PRKCH: variants seen among roughly 807,000 people sequenced by gnomAD.
PRKCH encodes protein kinase C eta type.
A neutral mutation model predicts 82.5 loss-of-function variants in PRKCH; 28 were observed. The observed-to-expected ratio is 0.34, with a 90% CI of 0.25 to 0.47. The LOEUF is 0.47. PRKCH is among the 20% of genes least tolerant of loss of function. PRKCH has a pLI of 1.00. For missense variants in PRKCH, 705 were observed against 881.8 expected (o/e 0.80, Z 2.54); for synonymous variants, 322 against 327.4 (o/e 0.98, Z 0.18).
intron 1 of PRKCH, among the ~76,000 whole-genome samples, chr14:61,220,182 C>T (rs2044644794): frequency 6.6e-6 from 1 of 152,202 alleles, no homozygotes; most frequent in Non-Finnish European, 1.5e-5. Context: ...ACCAAATGTA[C>T]CACACTCCTG....
At chr14:61,331,904 A>G (rs1272282056) in intron 1 of PRKCH, among the ~76,000 whole-genome samples, 3 of 152,218 alleles carry the variant, frequency 2.0e-5, no homozygotes, top group Admixed American at 6.5e-5. Context: ...GCTCCCATCT[A>G]AGTGACTTGT....
intron 10 of PRKCH, chr14:61,525,125 G>A (rs1287073598): frequency 1.3e-5 from 2 of 152,232 alleles, no homozygotes; most frequent in African/African-American, 2.4e-5. Flanking sequence ...CTGGAATACA[G>A]TGCGGGGTAT....
chr14:61,247,558 A>C (rs2044896511), intron 1 of PRKCH, among the ~76,000 whole-genome samples: 1 of 151,968 alleles, frequency 6.6e-6, no homozygotes. Context: ...CAACATGGTG[A>C]AACCCTATCT....
At chr14:61,523,213 T>C (rs1246824288) in intron 10 of PRKCH, among the ~76,000 whole-genome samples, 6 of 152,232 alleles carry the variant, frequency 3.9e-5, no homozygotes, top group African/African-American at 1.4e-4. Context: ...GCCTGTATCC[T>C]CAAGGACTCT....
At chr14:61,223,428 T>C (rs1464611645) in intron 1 of PRKCH, among the ~76,000 whole-genome samples, 1 of 152,192 alleles carries the variant, frequency 6.6e-6, no homozygotes, top group African/African-American at 2.4e-5. Flanking sequence ...CTAAAGTGTC[T>C]TTCCTTTGAG....
At chr14:61,469,789 C>T (rs1319289823) in intron 9 of PRKCH, among the ~76,000 whole-genome samples, 1 of 152,164 alleles carries the variant, frequency 6.6e-6, no homozygotes, top group Non-Finnish European at 1.5e-5. Context: ...AGTTAGCAGA[C>T]TCGTCGTGTA....
intron 9 of PRKCH, among the ~76,000 whole-genome samples, chr14:61,467,208 C>T (rs2140307151): frequency 6.6e-6 from 1 of 152,330 alleles, no homozygotes; most frequent in South Asian, 2.1e-4. Flanking sequence ...GCTCTGAGTT[C>T]TAATTCTGGC....
intron 1 of PRKCH, among the ~76,000 whole-genome samples, chr14:61,346,001 T>C (rs1437305986): frequency 1.3e-5 from 2 of 152,222 alleles, no homozygotes; most frequent in Admixed American, 1.3e-4. Context: ...ACTCTGGGTA[T>C]TTGCCTTTTA....
chr14:61,216,858 T>G (rs1035837584), intron 1 of PRKCH, among the ~76,000 whole-genome samples: 1 of 152,186 alleles, frequency 6.6e-6, no homozygotes, highest in Non-Finnish European at 1.5e-5. Flanking sequence ...TGAGAAAAAC[T>G]TGGAGCCAGG....
At chr14:61,516,038 G>GTAAAAC (rs1336570140) in intron 10 of PRKCH, among the ~76,000 whole-genome samples, 1 of 152,174 alleles carries the variant, frequency 6.6e-6, no homozygotes, top group African/African-American at 2.4e-5. Context: ...CACACAGCTA[G>GTAAAAC]TAAAACTAAA....
chr14:61,533,058 G>T (rs1189061638), intron 12 of PRKCH, among the ~76,000 whole-genome samples: 1 of 152,170 alleles, frequency 6.6e-6, no homozygotes, highest in Non-Finnish European at 1.5e-5. Context: ...TCCCAGTCCT[G>T]TTACCTTCTG....
chr14:61,211,172 T>C (rs901092299), intron 1 of PRKCH, among the ~76,000 whole-genome samples: 2 of 152,264 alleles, frequency 1.3e-5, no homozygotes, highest in East Asian at 3.9e-4. Context: ...GGAGTGGCCA[T>C]GATACATGGC....
rs191918584 is a variant in PRKCH, at chr14:61,447,052, G to A, written c.613+1326G>A. Among the ~76,000 whole-genome samples the A allele has an allele frequency of 2.4e-3, 362 of 152,328 alleles. 3 individuals carry two copies. The highest frequency in any genetic ancestry group is 8.3e-3 in the African/African-American group (344 of 41,566). ...CTCCCTAAGGCATATAAAACCAAAT[G>A]CCTGGTTGGAGAGAGGTATGCCATT... On this transcript the variant is annotated intron_variant, in intron 4 of 13. Transcript: ENST00000332981.
chr14:61,395,294 C>CCCG (rs1555383088), intron 2 of PRKCH, among the ~76,000 whole-genome samples: 3 of 146,030 alleles, frequency 2.1e-5, no homozygotes, highest in South Asian at 4.7e-4. Context: ...AATGGAGCCC[C>CCCG]CCCCCGCATT....
intron 1 of PRKCH, among the ~76,000 whole-genome samples, chr14:61,286,557 A>G (rs2140096175): frequency 6.6e-6 from 1 of 152,192 alleles, no homozygotes; most frequent in Admixed American, 6.5e-5. Flanking sequence ...CGGGTGGATC[A>G]CCTGAGGTCG....
intron 10 of PRKCH, among the ~76,000 whole-genome samples, chr14:61,505,153 G>T (rs897074951): frequency 1.3e-5 from 2 of 152,142 alleles, no homozygotes; most frequent in Admixed American, 1.3e-4. Flanking sequence ...AATGTCTGAA[G>T]TATTTCTTAC....
chr14:61,207,518 T>A (rs2044536485), intron 1 of PRKCH, among the ~76,000 whole-genome samples: 1 of 152,170 alleles, frequency 6.6e-6, no homozygotes, highest in Non-Finnish European at 1.5e-5. Flanking sequence ...TAGCTGCAGT[T>A]TTTTATTTTG....
chr14:61,531,025 T>A (rs2043038592), intron 12 of PRKCH, among the ~76,000 whole-genome samples: 1 of 152,188 alleles, frequency 6.6e-6, no homozygotes, highest in Non-Finnish European at 1.5e-5. Context: ...GGTCTTTCTC[T>A]TAGGGCTGGG....
chr14:61,391,205 A>ATTTTTT lies in PRKCH; in HGVS notation c.364-16_364-11dup. The ATTTTTT allele has an allele frequency of 6.4e-7, 1 of 1,570,028 alleles. No individual in the cohort carries two copies. Among genetic ancestry groups the ATTTTTT allele is most frequent in the Non-Finnish European group, 8.7e-7 (1 of 1,147,590 alleles). ...ATTTTAAAACTAACATATAATATAC[A>ATTTTTT]TTTTTTTTTCTCTTTGTAGGTGGAT... On this transcript the variant is annotated intron_variant, in intron 1 of 13. Transcript: ENST00000332981.
Sources: allele counts gnomAD v4.1 joint callset (sites outside exome capture counted in the v4.1 genomes callset), GRCh38; gene constraint gnomAD v4.1.1; transcripts MANE v1.5; gene names NCBI Gene and HGNC (gene_info 2026-07-23, HGNC 2026-07-21).